Variants in TRIM5 observed in about 807,000 individuals in gnomAD.
TRIM5 encodes the protein tripartite motif-containing protein 5.
Under a neutral mutation model 35.6 loss-of-function variants are expected in TRIM5, and 31 were observed. That is an observed-to-expected ratio of 0.87 (90% CI 0.65 to 1.18). The LOEUF (loss-of-function observed/expected upper bound fraction) is 1.18, where lower values mean the gene tolerates loss of function less well. Among genes scored for constraint, TRIM5 ranks in the 50% most tolerant of loss-of-function variants. The pLI, the probability that TRIM5 is intolerant of heterozygous loss-of-function variation, is 0.00. For synonymous variants in TRIM5, 243 were observed against 215.6 expected (o/e 1.13, Z -1.11); for missense variants, 609 against 591.6 (o/e 1.03, Z -0.31).
Position 5,679,786 on chromosome 11 carries a change from G to T in TRIM5, c.392C>A (p.Thr131Lys). ...QEHRGHHTFL[T>K]EEVAREYQVK... ...TTGGTACTCCCGGGCAACCTCCTCT[G>T]TGAGGAACGTGTGGTGACCACGGTG... Residue 131 changes from threonine to lysine, a missense_variant, in exon 2 of 8, where the codon ACA becomes AAA. Transcript: ENST00000380034. 1 of 1,605,230 alleles carries T rather than the reference G, an allele frequency of 6.2e-7. No individual in the cohort carries two copies. The highest frequency in any genetic ancestry group is 8.5e-7 in the Non-Finnish European group (1 of 1,174,734).
chr11:5,604,665 G>A, the TRIM5 span: 2 of 1,600,302 alleles, frequency 1.2e-6, no homozygotes, highest in Non-Finnish European at 1.7e-6. Context: ...TCCTGGGGCA[G>A]GAATCATGGC....
chr11:5,615,586 TTG>T, the TRIM5 span, among the ~76,000 whole-genome samples: 79 of 62,754 alleles, frequency 1.3e-3, no homozygotes, highest in Admixed American at 2.4e-3. Flanking sequence ...TGTTTTTTTT[TTG>T]TTGTTGTTGT....
the TRIM5 span, chr11:5,611,342 A>G: frequency 1.2e-6 from 2 of 1,610,414 alleles, no homozygotes; most frequent in East Asian, 4.5e-5. Context: ...CAAGCTCTTG[A>G]ATATTCTTCT....
chr11:5,638,198 T>C, the TRIM5 span, among the ~76,000 whole-genome samples: 2 of 152,316 alleles, frequency 1.3e-5, no homozygotes, highest in Admixed American at 6.5e-5. Flanking sequence ...AAGTTCTCCT[T>C]TTTAGCAGAA....
At position 5,663,842 on chromosome 11, in the gene TRIM5, C is replaced by T. The variant is rs1383833381; in HGVS notation, c.*967G>A. ...ATAGGTTATTGTTAACTCTAGTCACCCTACTATGCAATAAAACATTAGCAC... is the reference window on the plus strand; with the variant it reads ...ATAGGTTATTGTTAACTCTAGTCACTCTACTATGCAATAAAACATTAGCAC... On this transcript the variant is annotated 3_prime_UTR_variant, in exon 8 of 8. Transcript: ENST00000380034. The T allele has an allele frequency of 6.5e-6, 1 of 152,962 alleles. No individual in the cohort carries two copies. 9.5% of individuals were successfully genotyped at this position (152,962 alleles called of 1,614,324 possible). A position where few individuals can be genotyped will look rare whatever the true frequency, so the allele number is the denominator to read the frequency against.
the TRIM5 span, chr11:5,604,616 A>C: frequency 1.9e-6 from 3 of 1,612,364 alleles, no homozygotes; most frequent in Admixed American, 1.7e-5. Context: ...AGAGAGAAGA[A>C]AACATCCTGG....
At chr11:5,666,312 C>G in intron 5 of TRIM5, 1 of 590,740 alleles carries the variant, frequency 1.7e-6, no homozygotes, top group Non-Finnish European at 3.1e-6. Context: ...CTCAGAAGCA[C>G]AGTTTCTTCC....
rs150078052 is a variant in TRIM5, at chr11:5,678,922, C to T, written c.513+152G>A. 8.2e-4 allele frequency: 552 copies of T among 670,730 alleles called. 8 individuals carry two copies. The East Asian group carries it at 0.015, about 19-fold the overall frequency. 41.5% of individuals were successfully genotyped at this position (670,730 alleles called of 1,614,324 possible). A position where few individuals can be genotyped will look rare whatever the true frequency, so the allele number is the denominator to read the frequency against. On this transcript the variant is annotated intron_variant, in intron 3 of 7. Transcript: ENST00000380034. ...TGTTCACTGTGACATATTCACTCCT[C>T]AGCCACCACACCCCATCAGGGAAAG... is the stretch of plus-strand genomic sequence containing the variant.
the TRIM5 span, among the ~76,000 whole-genome samples, chr11:5,609,182 G>A: frequency 0.73 from 110,473 of 151,984 alleles, 40,253 homozygotes; most frequent in East Asian, 0.77. Context: ...GACATGTCAA[G>A]CTGCTTGCAC....
At chr11:5,637,551 G>A in the TRIM5 span, among the ~76,000 whole-genome samples, 1 of 152,172 alleles carries the variant, frequency 6.6e-6, no homozygotes, top group Non-Finnish European at 1.5e-5. Flanking sequence ...CTAAATGAGG[G>A]AAAGAAGATG....
intron 1 of TRIM5, 50 bp downstream of exon 1, chr11:5,684,818 C>A (rs1260740960): frequency 6.6e-6 from 1 of 152,364 alleles, no homozygotes; most frequent in East Asian, 1.9e-4. Context: ...AGTCTGTGAA[C>A]TGTGTCTTTT....
chr11:5,649,422 A>G, the TRIM5 span, among the ~76,000 whole-genome samples: 1 of 152,106 alleles, frequency 6.6e-6, no homozygotes, highest in Non-Finnish European at 1.5e-5. Context: ...ATTGACTTTA[A>G]TCACAGGGCA....
chr11:5,646,940 A>AC, the TRIM5 span, among the ~76,000 whole-genome samples: 1 of 152,098 alleles, frequency 6.6e-6, no homozygotes, highest in East Asian at 1.9e-4. Context: ...GGATTTTAAA[A>AC]AAAACAAACA....
chr11:5,632,965 T>C, the TRIM5 span, among the ~76,000 whole-genome samples: 1 of 149,108 alleles, frequency 6.7e-6, no homozygotes, highest in Non-Finnish European at 1.5e-5. Context: ...TAGCTCGGAT[T>C]ACAGGCGCCT....
At chr11:5,592,012 C>A in the TRIM5 span, among the ~76,000 whole-genome samples, 1 of 152,160 alleles carries the variant, frequency 6.6e-6, no homozygotes. Context: ...TAGTTACTCA[C>A]ATGGACTCTG....
downstream of TRIM5, among the ~76,000 whole-genome samples, chr11:5,661,620 T>C (rs111758990): frequency 0.013 from 2,016 of 152,286 alleles, 19 homozygotes; most frequent in Non-Finnish European, 0.021. Context: ...GACGACATAA[T>C]TGTTACTCAG....
chr11:5,624,204 G>A, the TRIM5 span, among the ~76,000 whole-genome samples: 2 of 152,084 alleles, frequency 1.3e-5, no homozygotes, highest in African/African-American at 2.4e-5. Flanking sequence ...TCAGATTCGC[G>A]TAAAAATTAC....
the TRIM5 span, chr11:5,644,361 G>A: frequency 1.3e-5 from 5 of 397,500 alleles, no homozygotes; most frequent in African/African-American, 4.1e-5. Context: ...TTTAGTGTCT[G>A]GAACATAATA....
At chr11:5,647,671 C>T in the TRIM5 span, among the ~76,000 whole-genome samples, 2 of 152,132 alleles carry the variant, frequency 1.3e-5, no homozygotes, top group Non-Finnish European at 2.9e-5. Context: ...TACAGGCACA[C>T]GCCACCATGC....
Sources: gnomAD v4.1 joint callset for allele counts (sites outside exome capture counted in the v4.1 genomes callset) on GRCh38, gnomAD v4.1.1 for gene constraint, MANE v1.5 for transcripts, NCBI Gene and HGNC (gene_info 2026-07-23, HGNC 2026-07-21) for gene names.